The following SEMA4D variants were observed in gnomAD, a reference collection of about 807,000 sequenced individuals.
SEMA4D encodes the protein semaphorin-4D.
SEMA4D carries 22 observed loss-of-function variants against 74.8 expected under a neutral mutation model. The observed-to-expected ratio is 0.29, with a 90% CI of 0.21 to 0.42. The LOEUF (loss-of-function observed/expected upper bound fraction) is 0.42, where lower values mean the gene tolerates loss of function less well. Ranked by LOEUF, SEMA4D falls within the 10% of genes least tolerant of loss-of-function variation. The pLI is 1.00. For synonymous variants in SEMA4D, 445 were observed against 463.7 expected, an observed-to-expected ratio of 0.96 and a Z score of 0.52; for missense variants, 937 against 1,118.4, an observed-to-expected ratio of 0.84 and a Z score of 2.31.
rs567316005 is a variant in SEMA4D at position 89,450,554 on chromosome 9, G to A, written c.-244+5334C>T. On this transcript the variant is annotated intron_variant, in intron 2 of 15. Transcript: ENST00000422704. ...TGCTCCTGCCCAATGGCCCCATGCA[G>A]ATAACCAGTGGTCCCTTCCAGCCTG... 1,125 of 1,046,938 alleles carry A rather than the reference G, an allele frequency of 1.1e-3. 3 individuals are homozygous for A. The highest frequency in any genetic ancestry group is 1.6e-3 in the Non-Finnish European group (1,060 of 672,022). The allele number at this position is 1,046,938 out of a possible 1,614,324, so 64.9% of individuals were successfully genotyped here.
intron 4 of SEMA4D, among the ~76,000 whole-genome samples, chr9:89,401,372 G>A (rs1444095030): frequency 6.6e-6 from 1 of 152,206 alleles, no homozygotes; most frequent in African/African-American, 2.4e-5. Flanking sequence ...CTTGTTTTCA[G>A]AGCATAATGC....
In SEMA4D at chr9:89,461,700, C is replaced by CTCTCTCTTTTTTT. The variant is rs71281350; in HGVS notation, c.-309-5748_-309-5747insAAAAAAAGAGAGA. 5.7e-3 allele frequency among the ~76,000 whole-genome samples: 587 copies of CTCTCTCTTTTTTT among 103,544 alleles called. 11 individuals carry two copies. The highest frequency in any genetic ancestry group is 0.02 in the African/African-American group (568 of 28,738). The allele number at this position is 103,544 out of a possible 152,430, so 67.9% of individuals were successfully genotyped here. A position where few individuals can be genotyped will look rare whatever the true frequency, so the allele number is the denominator to read the frequency against. On this transcript the variant is annotated intron_variant, in intron 1 of 15. Coordinates refer to ENST00000422704, the MANE Select transcript of SEMA4D (RefSeq NM_001371194.2). ...GGGCCAATGTGTATTTCTTTTTTCTCTTTTTTTTTTTTTTTTTTTGGAGAC... is the reference window on the plus strand; with the variant it reads ...GGGCCAATGTGTATTTCTTTTTTCTCTCTCTCTTTTTTTTTTTTTTTTTTTTTTTTTTGGAGAC...
chr9:89,489,020 C>T (rs1475274036), intron 1 of SEMA4D, among the ~76,000 whole-genome samples: 4 of 152,134 alleles, frequency 2.6e-5, no homozygotes, highest in Non-Finnish European at 4.4e-5. Flanking sequence ...ACACAAATAG[C>T]TAATAAGCAC....
chr9:89,384,508 CA>C (rs1265746895), intron 13 of SEMA4D: 1 of 291,476 alleles, frequency 3.4e-6, no homozygotes, highest in African/African-American at 2.3e-5. Flanking sequence ...TTGTATTTCA[CA>C]GGTAAAAAGC....
At chr9:89,462,284 C>A (rs1307735658) in intron 1 of SEMA4D, among the ~76,000 whole-genome samples, 1 of 152,106 alleles carries the variant, frequency 6.6e-6, no homozygotes, top group Non-Finnish European at 1.5e-5. Flanking sequence ...TAACTCAGTC[C>A]AGAATTTAAA....
At chr9:89,479,458 A>G in intron 1 of SEMA4D, 1 of 157,380 alleles carries the variant, frequency 6.4e-6, no homozygotes. Flanking sequence ...CTCACCCTCA[A>G]GATCCCCTCA....
chr9:89,450,660 G>GAAAAAAAAAAA (rs71358578), intron 2 of SEMA4D: 6 of 430,442 alleles, frequency 1.4e-5, no homozygotes, highest in African/African-American at 5.5e-5. Context: ...AAAAACCCAG[G>GAAAAAAAAAAA]AAAAAAAAAA....
At chr9:89,362,324 T>C in exon 19 of SEMA4D, 1 of 1,613,244 alleles carries the variant, frequency 6.2e-7, no homozygotes, top group Non-Finnish European at 8.5e-7. Context: ...GACCAGGCCT[T>C]CTCCGGGGGT....
At chr9:89,415,070 G>A (rs4454378) in intron 2 of SEMA4D, among the ~76,000 whole-genome samples, 149,616 of 152,340 alleles carry the variant, frequency 0.98, 73,580 homozygotes, top group Non-Finnish European at 1. Flanking sequence ...TCAGAGGAAG[G>A]GTGGGGACCC....
chr9:89,367,532 C>T (rs1250408593), intron 16 of SEMA4D: 1 of 152,316 alleles, frequency 6.6e-6, no homozygotes, highest in African/African-American at 2.4e-5. Context: ...CCTGGATGTG[C>T]CTTGGCTCTT....
intron 2 of SEMA4D, among the ~76,000 whole-genome samples, chr9:89,420,729 C>G (rs1203743022): frequency 6.6e-6 from 1 of 152,232 alleles, no homozygotes; most frequent in African/African-American, 2.4e-5. Context: ...GCTCTGCAAT[C>G]AGAGGAACCT....
At chr9:89,472,035 C>G (rs4876984) in intron 1 of SEMA4D, among the ~76,000 whole-genome samples, 2 of 152,026 alleles carry the variant, frequency 1.3e-5, no homozygotes, top group South Asian at 2.1e-4. Flanking sequence ...CATGCCAGCT[C>G]GGGTGCATGC....
At chr9:89,444,547 C>G (rs1428075585) in intron 2 of SEMA4D, among the ~76,000 whole-genome samples, 1 of 152,196 alleles carries the variant, frequency 6.6e-6, no homozygotes, top group Non-Finnish European at 1.5e-5. Flanking sequence ...AGCTGTCATT[C>G]AATTCATTGG....
At chr9:89,490,451 G>GTAGAAAC in intron 1 of SEMA4D, among the ~76,000 whole-genome samples, 1 of 152,280 alleles carries the variant, frequency 6.6e-6, no homozygotes, top group South Asian at 2.1e-4. Context: ...TTCGAATCCA[G>GTAGAAAC]TAGAAACGGT....
chr9:89,472,400 A>G (rs1010622257), intron 1 of SEMA4D: 3 of 326,106 alleles, frequency 9.2e-6, no homozygotes, highest in Admixed American at 3.5e-5. Context: ...ATCACTGGGC[A>G]TCCAAGAACA....
intron 16 of SEMA4D, among the ~76,000 whole-genome samples, chr9:89,370,359 G>GTTGGTT (rs1411223341): frequency 7.0e-6 from 1 of 143,170 alleles, no homozygotes. Context: ...ATATTGTGGT[G>GTTGGTT]TATCTGTACG....
intron 2 of SEMA4D, among the ~76,000 whole-genome samples, chr9:89,406,211 G>A (rs1450012083): frequency 6.6e-6 from 1 of 152,120 alleles, no homozygotes. Flanking sequence ...GCACACATAT[G>A]TACACACACA....
intron 12 of SEMA4D, 190 bp from the exon 13 acceptor site, chr9:89,386,672 C>A: frequency 1.8e-6 from 1 of 541,720 alleles, no homozygotes; most frequent in Non-Finnish European, 3.3e-6. Context: ...ACTGGAAACC[C>A]AAGTGTTATG....
At chr9:89,440,588 C>G (rs1851482677) in intron 2 of SEMA4D, among the ~76,000 whole-genome samples, 1 of 152,168 alleles carries the variant, frequency 6.6e-6, no homozygotes, top group Non-Finnish European at 1.5e-5. Context: ...GTCCCCTGGT[C>G]TCCTGGAAAA....
Sources: allele counts gnomAD v4.1 joint callset (sites outside exome capture counted in the v4.1 genomes callset), GRCh38; gene constraint gnomAD v4.1.1; transcripts MANE v1.5; gene names NCBI Gene and HGNC (gene_info 2026-07-23, HGNC 2026-07-21).